Variants in PDE1B observed in about 807,000 individuals in gnomAD.
PDE1B encodes the protein dual specificity calcium/calmodulin-dependent 3',5'-cyclic nucleotide phosphodiesterase 1B.
In PDE1B, 13 loss-of-function variants were observed where a neutral mutation model predicts 66.7. That is an observed-to-expected ratio of 0.19 (90% CI 0.13 to 0.31). The LOEUF (loss-of-function observed/expected upper bound fraction) is 0.31, where lower values mean the gene tolerates loss of function less well. PDE1B is among the 10% of genes least tolerant of loss of function. The probability of loss-of-function intolerance (pLI) is 1.00; values close to 1 mark genes in which losing one functional copy is unlikely to be tolerated. For missense variants in PDE1B, 485 were observed against 682.3 expected, an observed-to-expected ratio of 0.71 and a Z score of 3.22; for synonymous variants, 230 against 253.9, an observed-to-expected ratio of 0.91 and a Z score of 0.90.
At chr12:54,572,345 C>T in intron 6 of PDE1B, 1 of 540,544 alleles carries the variant, frequency 1.8e-6, no homozygotes, top group South Asian at 2.8e-5. Context: ...GTACTTATCT[C>T]ATTAATTTCC....
At chr12:54,565,656 A>T (rs960327871) in intron 2 of PDE1B, among the ~76,000 whole-genome samples, 1 of 152,178 alleles carries the variant, frequency 6.6e-6, no homozygotes, top group Non-Finnish European at 1.5e-5. Context: ...CCGTCCTCCA[A>T]CTTCTTTGCC....
chr12:54,564,358 G>A (rs1191500654), intron 2 of PDE1B, among the ~76,000 whole-genome samples: 2 of 151,262 alleles, frequency 1.3e-5, no homozygotes, highest in Non-Finnish European at 2.9e-5. Flanking sequence ...CAGGCCGGGT[G>A]CAGTGGCTCG....
At chr12:54,556,860 GC>G (rs1217536630) in intron 2 of PDE1B, among the ~76,000 whole-genome samples, 1 of 151,012 alleles carries the variant, frequency 6.6e-6, no homozygotes, top group African/African-American at 2.4e-5. Flanking sequence ...AGGGAACTTG[GC>G]TGGTGGGGGG....
chr12:54,571,114 G>A (rs887641883), intron 6 of PDE1B: 95 of 152,432 alleles, frequency 6.2e-4, no homozygotes, highest in African/African-American at 2.1e-3. Context: ...GGGCCATAGA[G>A]AGGGGCGGTC....
In PDE1B at chr12:54,552,741, G is replaced by A. The variant is rs1038282526; in HGVS notation, c.113+2756G>A. ...TTTTCAGAACAATTTCTCTAATTAA[G>A]CAAACTCATAAACTGAGGCATGAGA... is the stretch of plus-strand genomic sequence containing the variant. On this transcript the variant is annotated intron_variant, in intron 2 of 15. Transcript: ENST00000243052. Among the ~76,000 whole-genome samples the A allele has an allele frequency of 2.6e-5, 4 of 152,286 alleles. No homozygotes were observed. In the South Asian group the frequency reaches 6.2e-4, roughly 24 times the overall value.
intron 14 of PDE1B, chr12:54,576,954 T>A: frequency 1.7e-6 from 1 of 605,000 alleles, no homozygotes. Flanking sequence ...CACACTGTGG[T>A]CCCTGTAAAT....
chr12:54,570,171 G>A, intron 5 of PDE1B, 70 bp from the exon 6 acceptor site: 1 of 880,770 alleles, frequency 1.1e-6, no homozygotes, highest in South Asian at 1.3e-5. Flanking sequence ...CTCATGGGAA[G>A]TCCTTCTTGA....
chr12:54,553,461 G>A (rs962650778), intron 2 of PDE1B, among the ~76,000 whole-genome samples: 8 of 152,148 alleles, frequency 5.3e-5, no homozygotes, highest in African/African-American at 1.9e-4. Context: ...TGTGGTTCAA[G>A]GTCATTATAG....
chr12:54,552,081 A>C (rs1344817347), intron 2 of PDE1B, among the ~76,000 whole-genome samples: 9 of 152,226 alleles, frequency 5.9e-5, no homozygotes, highest in Non-Finnish European at 1.0e-4. Context: ...TAAAGCAGAG[A>C]AAGACCTTGA....
intron 13 of PDE1B, chr12:54,576,364 T>C (rs1021942044): frequency 3.2e-6 from 2 of 631,052 alleles, no homozygotes; most frequent in Non-Finnish European, 5.5e-6. Flanking sequence ...TTAATTTTCC[T>C]TCTACCAGGA....
At chr12:54,555,345 T>C (rs1957330353) in intron 2 of PDE1B, among the ~76,000 whole-genome samples, 1 of 152,056 alleles carries the variant, frequency 6.6e-6, no homozygotes, top group Non-Finnish European at 1.5e-5. Flanking sequence ...ATCACTGAAG[T>C]CTCTTAGAAT....
At chr12:54,577,092 G>GA in intron 14 of PDE1B, 133 bp from the exon 15 acceptor site, 1 of 784,982 alleles carries the variant, frequency 1.3e-6, no homozygotes, top group Non-Finnish European at 2.1e-6. Context: ...CCCAAGTGGG[G>GA]ATGGGTTGAA....
At position 54,567,094 on chromosome 12, in the gene PDE1B, G is replaced by C. The variant is rs774381614; in HGVS notation, c.227+7G>C. 1 of 1,397,496 alleles carries C rather than the reference G, an allele frequency of 7.2e-7. No individual in the cohort carries two copies. Among genetic ancestry groups the C allele is most frequent in the East Asian group, 2.3e-5 (1 of 43,690 alleles). The allele number at this position is 1,397,496 out of a possible 1,614,324, so 86.6% of individuals were successfully genotyped here. A position where few individuals can be genotyped will look rare whatever the true frequency, so the allele number is the denominator to read the frequency against. On this transcript the variant is annotated splice_region_variant and intron_variant, in intron 3 of 15. Transcript: ENST00000243052. ...TCTACATAGATGAGACACGGTGAGA[G>C]AGACCGACAGACAGAGAAGGAGAAA...
Position 54,576,406 on chromosome 12 carries a change from G to C in PDE1B, c.1377-165G>C, listed in dbSNP as rs546379475. On this transcript the variant is annotated intron_variant, in intron 13 of 15. Transcript: ENST00000243052. ...ATGTGGAGAGGGAGGGGTGAAATGA[G>C]GGGGAGAGGGACAGGGACTTGGGGA... The C allele has an allele frequency of 1.7e-4, 120 of 722,922 alleles. No individual in the cohort carries two copies. The African/African-American group carries it at 1.9e-3, about 11-fold the overall frequency. The allele number at this position is 722,922 out of a possible 1,614,324, so 44.8% of individuals were successfully genotyped here.
In PDE1B at chr12:54,577,490, C is replaced by T. The variant is rs1408182273; in HGVS notation, c.*17+145C>T. ...AGCGAGTGAAGACATAGAATGGAGC[C>T]AAAGTGTGGGTGGAGCAGGGAAATC... On this transcript the variant is annotated intron_variant, in intron 15 of 15. Transcript: ENST00000243052. 1.9e-6 allele frequency: 3 copies of T among 1,595,480 alleles called. No individual in the cohort carries two copies. In the Admixed American group the frequency reaches 5.0e-5, roughly 27 times the overall value.
intron 2 of PDE1B, among the ~76,000 whole-genome samples, chr12:54,560,107 C>T (rs761562104): frequency 6.6e-6 from 1 of 152,096 alleles, no homozygotes; most frequent in African/African-American, 2.4e-5. Flanking sequence ...CCCTGCTTCA[C>T]GGCTACCAGG....
intron 15 of PDE1B, 171 bp from the exon 16 acceptor site, chr12:54,577,689 C>G: frequency 1.2e-6 from 1 of 819,812 alleles, no homozygotes; most frequent in Non-Finnish European, 1.8e-6. Flanking sequence ...GGCAGCTGAA[C>G]GTGACTTCGA....
intron 3 of PDE1B, among the ~76,000 whole-genome samples, chr12:54,568,048 G>T (rs1404900802): frequency 6.6e-6 from 1 of 152,090 alleles, no homozygotes; most frequent in African/African-American, 2.4e-5. Flanking sequence ...TAGAGATGGG[G>T]TTTCTCCATG....
chr12:54,576,473 C>T (rs1459453916), intron 13 of PDE1B, 98 bp from the exon 14 acceptor site: 1 of 1,448,540 alleles, frequency 6.9e-7, no homozygotes, highest in Non-Finnish European at 9.5e-7. Context: ...TTCCCTGAAC[C>T]TTCTCCTGGT....
Sources: gnomAD v4.1 joint callset for allele counts (sites outside exome capture counted in the v4.1 genomes callset) on GRCh38, gnomAD v4.1.1 for gene constraint, MANE v1.5 for transcripts, NCBI Gene and HGNC (gene_info 2026-07-23, HGNC 2026-07-21) for gene names.